The following PTPN11 variants were observed in gnomAD, a reference collection of about 807,000 sequenced individuals.
PTPN11 encodes protein tyrosine phosphatase non-receptor type 11.
A neutral mutation model predicts 78.8 loss-of-function variants in PTPN11; 6 were observed. The observed-to-expected ratio is 0.08, with a 90% CI of 0.04 to 0.15. The LOEUF (loss-of-function observed/expected upper bound fraction) is 0.15. Ranked by LOEUF, PTPN11 falls within the 10% of genes least tolerant of loss-of-function variation. PTPN11 has a pLI of 1.00. For synonymous variants in PTPN11, 221 were observed against 263.5 expected (o/e 0.84, Z 1.56); for missense variants, 386 against 744.8 (o/e 0.52, Z 5.61).
chr12:112,496,406 A>G (rs2038815016), intron 13 of PTPN11, among the ~76,000 whole-genome samples: 2 of 152,152 alleles, frequency 1.3e-5, no homozygotes, highest in East Asian at 1.9e-4. Flanking sequence ...TTAGAAACCA[A>G]TCTGGGTGTT....
At chr12:112,445,385 G>A (rs1724446416) in intron 1 of PTPN11, among the ~76,000 whole-genome samples, 1 of 152,144 alleles carries the variant, frequency 6.6e-6, no homozygotes, top group Non-Finnish European at 1.5e-5. Context: ...GCCCGCCTCG[G>A]CCTCCCAAAG....
intron 2 of PTPN11, among the ~76,000 whole-genome samples, chr12:112,448,980 G>A (rs946090063): frequency 4.6e-5 from 7 of 151,124 alleles, no homozygotes; most frequent in African/African-American, 1.2e-4. Context: ...TCCGCCTCCC[G>A]GGTTCAAGCG....
At chr12:112,467,947 G>C (rs759532331) in intron 6 of PTPN11, among the ~76,000 whole-genome samples, 35 of 152,264 alleles carry the variant, frequency 2.3e-4, no homozygotes, top group Admixed American at 1.6e-3. Context: ...ATTTGGAGGG[G>C]ACAGACATCC....
At chr12:112,424,911 G>C (rs1334823513) in intron 1 of PTPN11, among the ~76,000 whole-genome samples, 4 of 146,128 alleles carry the variant, frequency 2.7e-5, no homozygotes, top group Non-Finnish European at 4.5e-5. Context: ...GTGTGTGTGT[G>C]TGTGTGTGCT....
chr12:112,460,660 G>A (rs144124844), intron 6 of PTPN11, among the ~76,000 whole-genome samples: 2,175 of 152,114 alleles, frequency 0.014, 60 homozygotes, highest in African/African-American at 0.049. Context: ...TGGCCAACAT[G>A]GTGAAACCCG....
chr12:112,446,204 G>T, intron 1 of PTPN11, 72 bp from the exon 2 acceptor site: 1 of 1,584,336 alleles, frequency 6.3e-7, no homozygotes. Context: ...ATGCGTCTTA[G>T]CTGTGTTGTT....
intron 4 of PTPN11, 24 bp downstream of exon 4, chr12:112,453,411 G>A: frequency 6.2e-7 from 1 of 1,609,594 alleles, no homozygotes. Flanking sequence ...TGAAAAATGG[G>A]TCTGGCAAGA....
rs1331959264 is a variant in PTPN11, at chr12:112,506,905, T to G, written c.*1113T>G. The G allele has an allele frequency of 5.0e-6, 1 of 199,790 alleles. No individual in the cohort carries two copies. Among genetic ancestry groups the G allele is most frequent in the Non-Finnish European group, 1.0e-5 (1 of 96,776 alleles). 12.4% of individuals were successfully genotyped at this position (199,790 alleles called of 1,614,324 possible). ...GAAATGGCCAGGCCTTCTGAAAACT[T>G]AAGTCCAGAATTGTCACAGTGTCCC... is the stretch of plus-strand genomic sequence containing the variant. On this transcript the variant is annotated 3_prime_UTR_variant, in exon 16 of 16. Transcript: ENST00000351677.
intron 15 of PTPN11, among the ~76,000 whole-genome samples, chr12:112,505,487 A>G (rs1281896721): frequency 6.6e-6 from 1 of 151,850 alleles, no homozygotes; most frequent in East Asian, 1.9e-4. Context: ...ACCAACTAAA[A>G]TAGTAGAGAC....
At chr12:112,437,967 C>T (rs1263473433) in intron 1 of PTPN11, among the ~76,000 whole-genome samples, 1 of 152,100 alleles carries the variant, frequency 6.6e-6, no homozygotes, top group Non-Finnish European at 1.5e-5. Flanking sequence ...CACGTTTGTT[C>T]TAGGTTTTCT....
At chr12:112,465,715 C>G (rs907463839) in intron 6 of PTPN11, among the ~76,000 whole-genome samples, 10 of 152,118 alleles carry the variant, frequency 6.6e-5, no homozygotes, top group African/African-American at 2.4e-4. Context: ...TACTTCTAGC[C>G]CCTTTCAGAT....
At chr12:112,453,058 G>T in intron 3 of PTPN11, 137 bp from the exon 4 acceptor site, 1 of 754,546 alleles carries the variant, frequency 1.3e-6, no homozygotes, top group East Asian at 2.7e-5. Flanking sequence ...TCTCAGGTGG[G>T]ATTGATCAAT....
intron 6 of PTPN11, among the ~76,000 whole-genome samples, chr12:112,466,830 C>T (rs116850594): frequency 1.3e-3 from 196 of 152,226 alleles, no homozygotes; most frequent in Admixed American, 2.8e-3. Flanking sequence ...GCAGTGCAGG[C>T]GAAATGGTCA....
In PTPN11 at chr12:112,444,140, T is replaced by C. The variant is rs141402837; in HGVS notation, c.15-2136T>C. On this transcript the variant is annotated intron_variant, in intron 1 of 15. Coordinates refer to ENST00000351677, the MANE Select transcript of PTPN11 (RefSeq NM_002834.5). ...GAGCGGCATTCAAACTATAGCATTG[T>C]CCTTTAGTGACTGGCTTAGTTCACT... Among the ~76,000 whole-genome samples the C allele has an allele frequency of 2.7e-4, 41 of 152,252 alleles. No individual in the cohort carries two copies. In the East Asian group the frequency reaches 7.7e-3, roughly 29 times the overall value.
intron 13 of PTPN11, among the ~76,000 whole-genome samples, chr12:112,490,297 G>C (rs148887118): frequency 0.012 from 1,819 of 151,068 alleles, 41 homozygotes; most frequent in African/African-American, 0.042. Flanking sequence ...AGCATGTTCA[G>C]GGATGTCTTT....
At position 112,418,986 on chromosome 12, in the gene PTPN11, C is replaced by T. The variant is rs2037469161; in HGVS notation, c.-126C>T. ...CCAGGCCTGGAGGGGGGTCTGTGCG[C>T]GGCCGGCTGGCTCTGCCCCGCGTCC... On this transcript the variant is annotated 5_prime_UTR_variant, in exon 1 of 16. Coordinates refer to ENST00000351677, the MANE Select transcript of PTPN11 (RefSeq NM_002834.5). The T allele has an allele frequency of 8.1e-7, 1 of 1,241,626 alleles. No homozygotes were observed. Among genetic ancestry groups the T allele is most frequent in the Non-Finnish European group, 1.1e-6 (1 of 888,080 alleles). 76.9% of individuals were successfully genotyped at this position (1,241,626 alleles called of 1,614,324 possible). A position where few individuals can be genotyped will look rare whatever the true frequency, so the allele number is the denominator to read the frequency against.
intron 1 of PTPN11, among the ~76,000 whole-genome samples, chr12:112,432,727 C>G (rs943134538): frequency 1.3e-5 from 2 of 151,106 alleles, no homozygotes; most frequent in African/African-American, 4.9e-5. Flanking sequence ...CACCTGTAAT[C>G]CCAGTACTTT....
intron 3 of PTPN11, among the ~76,000 whole-genome samples, chr12:112,451,939 G>A (rs2038084055): frequency 1.3e-5 from 2 of 152,040 alleles, no homozygotes; most frequent in Non-Finnish European, 1.5e-5. Context: ...CAAGTGACGC[G>A]ATCTCGGCTC....
chr12:112,509,363 A>G lies in PTPN11; in HGVS notation c.*3571A>G, dbSNP rs2038973613. 6.6e-6 allele frequency: 1 copy of G among 152,606 alleles called. No individual in the cohort carries two copies. 9.5% of individuals were successfully genotyped at this position (152,606 alleles called of 1,614,324 possible). A position where few individuals can be genotyped will look rare whatever the true frequency, so the allele number is the denominator to read the frequency against. ...TTTGCTGTATATCAAACTAATTTTGACAAGTTTTCATCCTAAGCCTCAAAT... is the reference window on the plus strand; with the variant it reads ...TTTGCTGTATATCAAACTAATTTTGGCAAGTTTTCATCCTAAGCCTCAAAT... On this transcript the variant is annotated 3_prime_UTR_variant, in exon 16 of 16. Coordinates refer to ENST00000351677, the MANE Select transcript of PTPN11 (RefSeq NM_002834.5).
Sources: allele counts gnomAD v4.1 joint callset (sites outside exome capture counted in the v4.1 genomes callset), GRCh38; gene constraint gnomAD v4.1.1; transcripts MANE v1.5; gene names NCBI Gene and HGNC (gene_info 2026-07-23, HGNC 2026-07-21).